Variants in CFAP77 observed in about 807,000 individuals in gnomAD.
CFAP77 encodes cilia and flagella associated protein 77.
CFAP77 carries 25 observed loss-of-function variants against 31.1 expected under a neutral mutation model. The ratio of observed to expected loss-of-function variants is 0.80; its 90% CI spans 0.59 to 1.12. CFAP77 has a LOEUF of 1.12. Ranked by LOEUF, CFAP77 falls within the 50% of genes most tolerant of loss-of-function variation. The pLI, the probability that CFAP77 is intolerant of heterozygous loss-of-function variation, is 0.00. For synonymous variants in CFAP77, 151 were observed against 159.9 expected, an observed-to-expected ratio of 0.94 and a Z score of 0.42; for missense variants, 377 against 397.3, an observed-to-expected ratio of 0.95 and a Z score of 0.44.
chr9:132,563,641 G>A (rs1013048811), intron 5 of CFAP77, among the ~76,000 whole-genome samples: 3 of 152,248 alleles, frequency 2.0e-5, no homozygotes, highest in African/African-American at 7.2e-5. Context: ...GGGCATGTAT[G>A]TAAACGTGGA....
At chr9:132,532,715 TTC>T (rs1852475071) in intron 3 of CFAP77, among the ~76,000 whole-genome samples, 1 of 152,070 alleles carries the variant, frequency 6.6e-6, no homozygotes, top group African/African-American at 2.4e-5. Flanking sequence ...ACAGGGTAAG[TTC>T]TGAGGTTCTG....
At chr9:132,460,725 A>G (rs931965422) in intron 1 of CFAP77, among the ~76,000 whole-genome samples, 1 of 152,040 alleles carries the variant, frequency 6.6e-6, no homozygotes, top group Non-Finnish European at 1.5e-5. Flanking sequence ...GAATCTACTC[A>G]ATACCACTGG....
chr9:132,439,270 C>T (rs2131700529), intron 1 of CFAP77, among the ~76,000 whole-genome samples: 1 of 152,322 alleles, frequency 6.6e-6, no homozygotes, highest in East Asian at 1.9e-4. Context: ...CAAGACCTGG[C>T]TCATGTGGGT....
chr9:132,478,595 TAA>T (rs1457680476), intron 1 of CFAP77, among the ~76,000 whole-genome samples: 1 of 152,124 alleles, frequency 6.6e-6, no homozygotes. Flanking sequence ...TGAAAAGATA[TAA>T]GAGGCCAGGG....
chr9:132,438,317 T>C (rs569448442), intron 1 of CFAP77, among the ~76,000 whole-genome samples: 42 of 151,502 alleles, frequency 2.8e-4, no homozygotes, highest in Non-Finnish European at 4.3e-4. Flanking sequence ...TTTAATGATG[T>C]TCCTATTTTA....
intron 1 of CFAP77, among the ~76,000 whole-genome samples, chr9:132,410,923 C>T (rs1849983153): frequency 6.6e-6 from 1 of 152,154 alleles, no homozygotes; most frequent in Non-Finnish European, 1.5e-5. Flanking sequence ...GCGGTGGCTC[C>T]GTGTCTGTCC....
Position 132,410,275 on chromosome 9 carries a change from C to T in CFAP77, c.4C>T (p.Pro2Ser). Residue 2 changes from proline (P) to serine (S), a missense_variant, in exon 1 of 6, where the codon CCA (proline) becomes TCA (serine). Physicochemically the swap from Pro to Ser is moderately conservative, Grantham distance 74. Coordinates refer to ENST00000393216, the MANE Select transcript of CFAP77 (RefSeq NM_001282957.2). ...CGGCTCCCCGGCGACCTCAAGGATG[C>T]CAGAGGCCAGGAGCTCCGGCCCGGA... is the stretch of plus-strand genomic sequence containing the variant. M[P>S]EARSSGPDLT... The T allele has an allele frequency of 6.4e-7, 1 of 1,569,002 alleles. No individual in the cohort carries two copies. Among genetic ancestry groups the T allele is most frequent in the Non-Finnish European group, 8.6e-7 (1 of 1,159,884 alleles).
rs773706197 is a variant in CFAP77, at chr9:132,411,613, CACTT to C, written c.195+1152_195+1155del. Among the ~76,000 whole-genome samples, 10 of 152,286 alleles carry C rather than the reference CACTT, an allele frequency of 6.6e-5. No individual in the cohort carries two copies. The East Asian group carries it at 7.7e-4, about 12-fold the overall frequency. ...CCTCTCAAAGTGGAACAAGGTCCTT[CACTT>C]ACTTCTACGTGAGAAGAGCCACTCT... is the stretch of plus-strand genomic sequence containing the variant. On this transcript the variant is annotated intron_variant, in intron 1 of 5. Transcript: ENST00000393216.
Position 132,410,314 on chromosome 9 carries a change from A to G in CFAP77, c.43A>G (p.Arg15Gly). Reference protein sequence around the residue: ...RSSGPDLTRWRKQQQPVRRTV... With the variant: ...RSSGPDLTRWGKQQQPVRRTV... ...CTCCGGCCCGGACCTCACGCGATGGAGGAAGCAGCAGCAGCCTGTGCGCCG... is the reference window on the plus strand; with the variant it reads ...CTCCGGCCCGGACCTCACGCGATGGGGGAAGCAGCAGCAGCCTGTGCGCCG... The change falls in exon 1 of 6, where the codon AGG becomes GGG. Residue 15 changes from arginine (R) to glycine (G), a missense_variant. Coordinates refer to ENST00000393216, the MANE Select transcript of CFAP77 (RefSeq NM_001282957.2). 6.3e-7 allele frequency: 1 copy of G among 1,595,296 alleles called. No individual in the cohort carries two copies. Among genetic ancestry groups the G allele is most frequent in the East Asian group, 2.3e-5 (1 of 43,144 alleles).
chr9:132,422,074 T>C (rs1850225583), intron 1 of CFAP77, among the ~76,000 whole-genome samples: 1 of 151,284 alleles, frequency 6.6e-6, no homozygotes, highest in Admixed American at 6.6e-5. Flanking sequence ...AATGGCACAA[T>C]CTCAGCTCAT....
In CFAP77 at chr9:132,499,268, G is replaced by T. The variant is rs946560585; in HGVS notation, c.296-104G>T. 1.7e-4 allele frequency: 170 copies of T among 1,002,082 alleles called. 1 individual carries two copies. Among genetic ancestry groups the T allele is most frequent in the South Asian group, 9.4e-4 (61 of 65,198 alleles). 62.1% of individuals were successfully genotyped at this position (1,002,082 alleles called of 1,614,324 possible). ...TGTCACCCAGTAGGCTCAGGTAAAT[G>T]GGAAGGCCGAGGACCCGCGTGCCCC... On this transcript the variant is annotated intron_variant, in intron 2 of 5. Transcript: ENST00000393216. This position sits in a 1 kb window ranked among gnomAD's most constrained non-coding sequence, Gnocchi z 5.4.
intron 1 of CFAP77, among the ~76,000 whole-genome samples, chr9:132,413,069 A>G (rs1442010131): frequency 6.6e-6 from 1 of 152,220 alleles, no homozygotes; most frequent in African/African-American, 2.4e-5. Context: ...TTGGAAGACT[A>G]TAGCACCTTA....
intron 1 of CFAP77, among the ~76,000 whole-genome samples, chr9:132,442,338 C>A (rs941145366): frequency 2.0e-5 from 3 of 152,136 alleles, no homozygotes; most frequent in African/African-American, 4.8e-5. Flanking sequence ...ATCACTTGAG[C>A]ACAGAAGTTT....
At chr9:132,492,664 A>G (rs915696845) in intron 1 of CFAP77, among the ~76,000 whole-genome samples, 2 of 152,202 alleles carry the variant, frequency 1.3e-5, no homozygotes, top group African/African-American at 4.8e-5. Flanking sequence ...CACAGTGGTT[A>G]CACCACGTTA....
At chr9:132,429,226 G>T (rs1233243281) in intron 1 of CFAP77, among the ~76,000 whole-genome samples, 2 of 151,836 alleles carry the variant, frequency 1.3e-5, no homozygotes, top group Non-Finnish European at 2.9e-5. Flanking sequence ...GAAATAAAGA[G>T]CTACATGAGG....
intron 3 of CFAP77, among the ~76,000 whole-genome samples, chr9:132,516,672 A>G (rs1258044860): frequency 6.6e-6 from 1 of 151,932 alleles, no homozygotes; most frequent in African/African-American, 2.4e-5. Flanking sequence ...GGACTGTATC[A>G]ATGCCATTAT....
intron 1 of CFAP77, among the ~76,000 whole-genome samples, chr9:132,459,800 G>A (rs182219392): frequency 3.6e-4 from 54 of 150,140 alleles, no homozygotes; most frequent in African/African-American, 9.6e-4. Context: ...ATGTGAGAGC[G>A]ATGTGTGTAT....
At chr9:132,442,246 A>C (rs1749767567) in intron 1 of CFAP77, among the ~76,000 whole-genome samples, 1 of 152,144 alleles carries the variant, frequency 6.6e-6, no homozygotes, top group South Asian at 2.1e-4. Flanking sequence ...TAACTGGCAA[A>C]ATTTATTCAA....
chr9:132,489,842 G>A (rs1025584771), intron 1 of CFAP77, among the ~76,000 whole-genome samples: 2 of 152,184 alleles, frequency 1.3e-5, no homozygotes, highest in African/African-American at 4.8e-5. Context: ...CCGGGTGGCT[G>A]ATCAGAGCTG....
Sources: gnomAD v4.1 joint callset for allele counts (sites outside exome capture counted in the v4.1 genomes callset) on GRCh38, gnomAD v4.1.1 for gene constraint, Gnocchi (gnomAD v3.1) non-coding constraint, MANE v1.5 for transcripts, NCBI Gene and HGNC (gene_info 2026-07-23, HGNC 2026-07-21) for gene names.